CCND3: variants seen among roughly 807,000 people sequenced by gnomAD.
CCND3 encodes G1/S-specific cyclin-D3.
In CCND3, 9 loss-of-function variants were observed where a neutral mutation model predicts 28.7. The ratio of observed to expected loss-of-function variants is 0.31; its 90% confidence interval spans 0.19 to 0.55. The LOEUF is 0.55. Among genes scored for constraint, CCND3 ranks in the 20% least tolerant of loss-of-function variants. The pLI is 0.93. For synonymous variants in CCND3, 164 were observed against 163.9 expected (o/e 1.00, Z 0.00); for missense variants, 315 against 385.8 (o/e 0.82, Z 1.54).
At chr6:42,024,746 C>G (rs1025815346) in intron 1 of CCND3, among the ~76,000 whole-genome samples, 2 of 152,070 alleles carry the variant, frequency 1.3e-5, no homozygotes, top group African/African-American at 4.8e-5. Context: ...CATGGTGAAA[C>G]CCTGTCTCTA....
intron 1 of CCND3, among the ~76,000 whole-genome samples, chr6:41,956,803 C>T (rs1490282435): frequency 6.6e-6 from 1 of 151,484 alleles, no homozygotes; most frequent in Non-Finnish European, 1.5e-5. Flanking sequence ...CTGAGGCGGG[C>T]GGATCACGAG....
rs1764609049 is a variant in CCND3, at chr6:42,048,408, C to T, written c.-46+93G>A. ...TAGGAAGTGATGAGGATGCGGCGAC[C>T]CCATTGACCCACCCAGCACCGATCC... On this transcript the variant is annotated intron_variant, in intron 1 of 4. Coordinates refer to the CCND3 transcript ENST00000372988. The surrounding 1 kb of genome is among the most constrained non-coding windows in gnomAD (Gnocchi z 4.7). The T allele has an allele frequency of 5.7e-6, 2 of 353,456 alleles. No homozygotes were observed. Among genetic ancestry groups the T allele is most frequent in the African/African-American group, 2.2e-5 (1 of 46,188 alleles). The allele number at this position is 353,456 out of a possible 1,614,324, so 21.9% of individuals were successfully genotyped here. A position where few individuals can be genotyped will look rare whatever the true frequency, so the allele number is the denominator to read the frequency against.
chr6:41,982,833 A>G (rs1295930805), intron 1 of CCND3, among the ~76,000 whole-genome samples: 1 of 148,928 alleles, frequency 6.7e-6, no homozygotes, highest in Non-Finnish European at 1.5e-5. Flanking sequence ...AATGAAGTGA[A>G]GATAGCCTTT....
intron 1 of CCND3, among the ~76,000 whole-genome samples, chr6:41,964,381 AGTGT>A (rs574333067): frequency 1.7e-5 from 2 of 114,928 alleles, no homozygotes; most frequent in South Asian, 2.6e-4. Context: ...AATGTGTGTG[AGTGT>A]GTGTGTGCAT....
intron 1 of CCND3, among the ~76,000 whole-genome samples, chr6:42,006,781 G>A (rs4714541): frequency 0.98 from 148,518 of 151,600 alleles, 72,818 homozygotes; most frequent in East Asian, 1. Context: ...GGTGGCGGGC[G>A]CCTGTAGTCC....
At chr6:41,954,834 A>C (rs553406891) in intron 1 of CCND3, among the ~76,000 whole-genome samples, 1 of 152,214 alleles carries the variant, frequency 6.6e-6, no homozygotes, top group Non-Finnish European at 1.5e-5. Context: ...TAGAATCAAC[A>C]TGCTTAACCA....
chr6:42,040,478 G>T (rs1764338385), intron 1 of CCND3, among the ~76,000 whole-genome samples: 1 of 152,098 alleles, frequency 6.6e-6, no homozygotes, highest in Admixed American at 6.6e-5. Context: ...AGTTATTTCA[G>T]CCACCAGGCT....
intron 1 of CCND3, among the ~76,000 whole-genome samples, chr6:41,968,527 C>A (rs1447992414): frequency 6.6e-6 from 1 of 152,042 alleles, no homozygotes; most frequent in African/African-American, 2.4e-5. Flanking sequence ...GAAGTCCAAG[C>A]TATGATTACA....
chr6:42,030,832 G>T (rs1326490160), intron 1 of CCND3, among the ~76,000 whole-genome samples: 1 of 152,168 alleles, frequency 6.6e-6, no homozygotes, highest in African/African-American at 2.4e-5. Context: ...TGGCTCAGGG[G>T]ACTGGGGGAA....
chr6:42,045,075 A>AT (rs1764503565), intron 1 of CCND3, among the ~76,000 whole-genome samples: 1 of 149,770 alleles, frequency 6.7e-6, no homozygotes, highest in South Asian at 2.1e-4. Context: ...AAGTGCTGGG[A>AT]TTACAGGCGT....
chr6:41,985,487 G>A (rs1383435390), intron 1 of CCND3, among the ~76,000 whole-genome samples: 1 of 151,870 alleles, frequency 6.6e-6, no homozygotes, highest in Non-Finnish European at 1.5e-5. Flanking sequence ...CTAATTTTGT[G>A]TATTTTTAAT....
At chr6:42,025,657 G>A (rs1375737892) in intron 1 of CCND3, among the ~76,000 whole-genome samples, 1 of 152,200 alleles carries the variant, frequency 6.6e-6, no homozygotes, top group African/African-American at 2.4e-5. Flanking sequence ...CCACGATGGC[G>A]GGCTCAGAGG....
intron 1 of CCND3, among the ~76,000 whole-genome samples, chr6:42,017,203 C>A (rs1056189601): frequency 6.6e-6 from 1 of 152,236 alleles, no homozygotes; most frequent in Non-Finnish European, 1.5e-5. Flanking sequence ...GCCTGCAGTG[C>A]CCATGGTCCC....
At chr6:41,959,421 CT>C (rs1761640972) in intron 1 of CCND3, among the ~76,000 whole-genome samples, 2 of 152,152 alleles carry the variant, frequency 1.3e-5, no homozygotes, top group Admixed American at 6.5e-5. Context: ...TGGCTCACGC[CT>C]GTGAGCCAGG....
intron 1 of CCND3, among the ~76,000 whole-genome samples, chr6:41,964,329 AATGTG>A (rs1285078433): frequency 7.2e-5 from 7 of 97,200 alleles, no homozygotes; most frequent in Non-Finnish European, 7.9e-5. Context: ...TGTGTGTGTG[AATGTG>A]TGTGTGAATG....
At chr6:41,993,474 C>G (rs1436061491) in intron 1 of CCND3, among the ~76,000 whole-genome samples, 1 of 142,396 alleles carries the variant, frequency 7.0e-6, no homozygotes, top group Non-Finnish European at 1.5e-5. Context: ...TGCAGTGGTA[C>G]CATCTCAACT....
chr6:41,971,773 C>A (rs985276324), intron 1 of CCND3, among the ~76,000 whole-genome samples: 2 of 150,394 alleles, frequency 1.3e-5, no homozygotes, highest in South Asian at 4.2e-4. Flanking sequence ...CTCTTGACGT[C>A]ATGATCCGCC....
At chr6:41,989,454 C>CAAAAAAAAAAAAAAAAAAAA (rs35776222) in intron 1 of CCND3, among the ~76,000 whole-genome samples, 3 of 21,710 alleles carry the variant, frequency 1.4e-4, no homozygotes, top group African/African-American at 2.6e-4. Context: ...AACACTGTCT[C>CAAAAAAAAAAAAAAAAAAAA]AAAAAAAAAA....
chr6:42,046,182 G>A (rs1007328913), intron 1 of CCND3, among the ~76,000 whole-genome samples: 2 of 152,192 alleles, frequency 1.3e-5, no homozygotes, highest in Non-Finnish European at 2.9e-5. Flanking sequence ...CAAACCTGTG[G>A]GGAGGGCCCT....
Sources: allele counts gnomAD v4.1 joint callset (sites outside exome capture counted in the v4.1 genomes callset), GRCh38; gene constraint gnomAD v4.1.1; non-coding constraint Gnocchi (gnomAD v3.1); transcripts MANE v1.5; gene names NCBI Gene and HGNC (gene_info 2026-07-23, HGNC 2026-07-21).